Variants in UVRAG observed in about 807,000 individuals in gnomAD.
The protein encoded by UVRAG is UV radiation resistance-associated gene protein.
Under a neutral mutation model 78.0 loss-of-function variants are expected in UVRAG, and 19 were observed. That is an observed-to-expected ratio of 0.24 (90% CI 0.17 to 0.36). UVRAG has a LOEUF of 0.36. Ranked by LOEUF, UVRAG falls within the 10% of genes least tolerant of loss-of-function variation. The pLI is 1.00. For synonymous variants in UVRAG, 323 were observed against 324.6 expected, an observed-to-expected ratio of 1.00 and a Z score of 0.05; for missense variants, 740 against 853.8, an observed-to-expected ratio of 0.87 and a Z score of 1.66.
intron 7 of UVRAG, among the ~76,000 whole-genome samples, chr11:75,974,391 G>A (rs1197461858): frequency 6.8e-5 from 8 of 118,182 alleles, no homozygotes; most frequent in Non-Finnish European, 1.3e-4. Context: ...ACGGAGTCTC[G>A]CTCTGTCGCC....
intron 13 of UVRAG, among the ~76,000 whole-genome samples, chr11:76,113,945 A>G (rs1348077911): frequency 6.6e-6 from 1 of 152,202 alleles, no homozygotes; most frequent in Non-Finnish European, 1.5e-5. Context: ...TTAAAATCAG[A>G]CTTGGAGAGA....
At chr11:76,114,374 T>C (rs899231709) in intron 13 of UVRAG, among the ~76,000 whole-genome samples, 15 of 152,168 alleles carry the variant, frequency 9.9e-5, no homozygotes, top group South Asian at 8.3e-4. Context: ...TTCTCAAGTA[T>C]TGTTACCAGT....
chr11:75,970,505 G>A lies in UVRAG; in HGVS notation c.699+8956G>A, dbSNP rs1949102525. 2.0e-5 allele frequency among the ~76,000 whole-genome samples: 3 copies of A among 152,138 alleles called. No individual in the cohort carries two copies. In the South Asian group the frequency reaches 6.2e-4, roughly 32 times the overall value. ...CCCAGCACTTTGGGAGGCCGAGGCA[G>A]GCGGATCATGAGGTTGGGAGATCAA... is the stretch of plus-strand genomic sequence containing the variant. On this transcript the variant is annotated intron_variant, in intron 7 of 14. Transcript: ENST00000356136.
chr11:75,977,394 G>A (rs1167375444), intron 7 of UVRAG, among the ~76,000 whole-genome samples: 1 of 152,156 alleles, frequency 6.6e-6, no homozygotes, highest in Non-Finnish European at 1.5e-5. Context: ...TCTGCTTGGT[G>A]CAGAGAGCTG....
chr11:76,117,164 A>G (rs1419560503), intron 14 of UVRAG, among the ~76,000 whole-genome samples: 1 of 152,252 alleles, frequency 6.6e-6, no homozygotes, highest in Non-Finnish European at 1.5e-5. Context: ...AGAAAGCTCA[A>G]GCCCTGTCCC....
intron 13 of UVRAG, among the ~76,000 whole-genome samples, chr11:76,112,031 A>T (rs1266998786): frequency 6.6e-6 from 1 of 152,118 alleles, no homozygotes; most frequent in Non-Finnish European, 1.5e-5. Flanking sequence ...GAAAATGATC[A>T]GAATTAGGCA....
chr11:75,951,792 A>T (rs890344200), intron 6 of UVRAG, among the ~76,000 whole-genome samples: 1 of 152,036 alleles, frequency 6.6e-6, no homozygotes, highest in Non-Finnish European at 1.5e-5. Context: ...CCCTCCAGCT[A>T]TTTCCCGCCC....
At chr11:75,928,961 A>AAAAAAAAAAAAAAAAAG (rs767893577) in intron 6 of UVRAG, among the ~76,000 whole-genome samples, 1 of 143,012 alleles carries the variant, frequency 7.0e-6, no homozygotes, top group African/African-American at 2.8e-5. Flanking sequence ...AAAAAAAAAA[A>AAAAAAAAAAAAAAAAAG]AAAGAATTGA....
At chr11:76,136,796 C>T (rs1952605573) in intron 14 of UVRAG, among the ~76,000 whole-genome samples, 1 of 152,118 alleles carries the variant, frequency 6.6e-6, no homozygotes, top group African/African-American at 2.4e-5. Context: ...CCACACCTGG[C>T]CCATAGGGTT....
chr11:76,062,196 AGATT>A (rs1951106872), intron 12 of UVRAG, among the ~76,000 whole-genome samples: 1 of 152,146 alleles, frequency 6.6e-6, no homozygotes. Flanking sequence ...GATACTTACT[AGATT>A]GAGGGCCCAC....
intron 14 of UVRAG, among the ~76,000 whole-genome samples, chr11:76,139,816 T>C (rs1414525072): frequency 2.6e-5 from 4 of 152,158 alleles, no homozygotes; most frequent in South Asian, 4.1e-4. Flanking sequence ...TATAGGAAAT[T>C]ACTTCAGAAA....
intron 1 of UVRAG, among the ~76,000 whole-genome samples, chr11:75,844,353 A>G (rs979780128): frequency 2.6e-5 from 4 of 151,392 alleles, no homozygotes; most frequent in Admixed American, 6.6e-5. Context: ...TCAGCCTCCC[A>G]GTAGCTGGGA....
intron 13 of UVRAG, among the ~76,000 whole-genome samples, chr11:76,094,555 C>G (rs1375426770): frequency 2.0e-5 from 3 of 152,118 alleles, no homozygotes; most frequent in African/African-American, 7.2e-5. Context: ...TTGGTCTATT[C>G]AGGGATTCCA....
intron 4 of UVRAG, among the ~76,000 whole-genome samples, chr11:75,880,432 G>A (rs1391773080): frequency 2.6e-5 from 4 of 152,174 alleles, no homozygotes; most frequent in South Asian, 2.1e-4. Flanking sequence ...GACCAGTAGC[G>A]TTATTCCAGG....
At chr11:76,054,578 C>G (rs1950941547) in intron 12 of UVRAG, among the ~76,000 whole-genome samples, 1 of 152,214 alleles carries the variant, frequency 6.6e-6, no homozygotes, top group Non-Finnish European at 1.5e-5. Context: ...GCACTCTGGT[C>G]TGCCTTCACT....
At chr11:75,913,196 G>A (rs547186817) in intron 6 of UVRAG, among the ~76,000 whole-genome samples, 25 of 152,296 alleles carry the variant, frequency 1.6e-4, no homozygotes, top group South Asian at 8.3e-4. Context: ...AAAATGAGGC[G>A]TAGGGTACAA....
chr11:75,915,967 T>A (rs1431651671), intron 6 of UVRAG, among the ~76,000 whole-genome samples: 1 of 152,248 alleles, frequency 6.6e-6, no homozygotes, highest in African/African-American at 2.4e-5. Context: ...TCTAATCATA[T>A]CTAATCTGTT....
intron 6 of UVRAG, among the ~76,000 whole-genome samples, chr11:75,958,747 G>A (rs1948854284): frequency 1.3e-5 from 2 of 152,112 alleles, no homozygotes; most frequent in Admixed American, 1.3e-4. Context: ...GTTTTCCATT[G>A]ATTTTGCCCA....
chr11:75,897,207 A>C (rs1947361601), intron 5 of UVRAG, among the ~76,000 whole-genome samples: 1 of 152,218 alleles, frequency 6.6e-6, no homozygotes, highest in African/African-American at 2.4e-5. Flanking sequence ...TTGAAGATTT[A>C]GGTATAAAAA....
Sources: gnomAD v4.1 joint callset for allele counts (sites outside exome capture counted in the v4.1 genomes callset) on GRCh38, gnomAD v4.1.1 for gene constraint, MANE v1.5 for transcripts, NCBI Gene and HGNC (gene_info 2026-07-23, HGNC 2026-07-21) for gene names.